The following DIP2B variants were observed in gnomAD, a reference collection of about 807,000 sequenced individuals.
The protein encoded by DIP2B is disco-interacting protein 2 homolog B.
In DIP2B, 76 loss-of-function variants were observed where a neutral mutation model predicts 198.0. The observed-to-expected ratio is 0.38, with a 90% confidence interval of 0.32 to 0.46. The LOEUF (loss-of-function observed/expected upper bound fraction) is 0.46, where lower values mean the gene tolerates loss of function less well. Ranked by LOEUF, DIP2B falls within the 20% of genes least tolerant of loss-of-function variation. The pLI is 0.99. For missense variants in DIP2B, 1,559 were observed against 1,978.4 expected (o/e 0.79, Z 4.02); for synonymous variants, 701 against 739.1 (o/e 0.95, Z 0.84).
At chr12:50,607,884 C>G (rs138357651) in intron 1 of DIP2B, among the ~76,000 whole-genome samples, 244 of 152,290 alleles carry the variant, frequency 1.6e-3, no homozygotes, top group Middle Eastern at 3.4e-3. Flanking sequence ...ACCTCTGCCT[C>G]CTGGATTCAA....
chr12:50,595,768 C>A (rs1268318410), intron 1 of DIP2B, among the ~76,000 whole-genome samples: 4 of 152,108 alleles, frequency 2.6e-5, no homozygotes, highest in African/African-American at 9.7e-5. Flanking sequence ...TAAAATAAGC[C>A]ATTTATTCAT....
intron 1 of DIP2B, among the ~76,000 whole-genome samples, chr12:50,559,547 C>G (rs28414775): frequency 0.063 from 9,636 of 151,958 alleles, 726 homozygotes; most frequent in East Asian, 0.36. Context: ...TTAAGACCAG[C>G]TGGGGCAACA....
At chr12:50,526,626 C>CCTTTTTTTT (rs1958167190) in intron 1 of DIP2B, among the ~76,000 whole-genome samples, 1 of 64,182 alleles carries the variant, frequency 1.6e-5, no homozygotes, top group African/African-American at 7.0e-5. Flanking sequence ...TTTCCTCTGC[C>CCTTTTTTTT]TTTTTTTTTT....
At chr12:50,625,851 C>T (rs898816359) in intron 1 of DIP2B, 125 bp from the exon 2 acceptor site, 2 of 90,054 alleles carry the variant, frequency 2.2e-5, no homozygotes, top group Non-Finnish European at 5.4e-5. Flanking sequence ...ACCATACATT[C>T]CCCCCCCCAA....
chr12:50,652,547 G>A (rs978626338), intron 3 of DIP2B, among the ~76,000 whole-genome samples: 12 of 151,842 alleles, frequency 7.9e-5, no homozygotes, highest in Admixed American at 5.9e-4. Context: ...AAAAAAAGAA[G>A]TATGAAGACT....
At chr12:50,574,557 G>A (rs1395615942) in intron 1 of DIP2B, among the ~76,000 whole-genome samples, 1 of 142,100 alleles carries the variant, frequency 7.0e-6, no homozygotes, top group Admixed American at 7.3e-5. Flanking sequence ...TGAGGAAGAA[G>A]AGCATGAACA....
At chr12:50,563,585 G>A (rs1190970223) in intron 1 of DIP2B, among the ~76,000 whole-genome samples, 2 of 150,902 alleles carry the variant, frequency 1.3e-5, no homozygotes, top group Non-Finnish European at 2.9e-5. Flanking sequence ...CCAACTCCTG[G>A]GCTTAAGTGA....
chr12:50,575,682 C>T (rs1028100939), intron 1 of DIP2B, among the ~76,000 whole-genome samples: 1 of 152,062 alleles, frequency 6.6e-6, no homozygotes, highest in African/African-American at 2.4e-5. Flanking sequence ...CCAACCAGGC[C>T]CTCCTTTATT....
In DIP2B at chr12:50,652,056, T is replaced by C. The variant is rs1055030395; in HGVS notation, c.302-8138T>C. ...TTAGCTGGGTGCAGTGGTTCACACC[T>C]GTAATCCCGGCTGTTTGGAAGGCTG... On this transcript the variant is annotated intron_variant, in intron 3 of 37. Coordinates refer to ENST00000301180, the MANE Select transcript of DIP2B (RefSeq NM_173602.3). Among the ~76,000 whole-genome samples, 21 of 152,024 alleles carry C rather than the reference T, an allele frequency of 1.4e-4. 1 individual carries two copies.
intron 25 of DIP2B, 77 bp downstream of exon 25, chr12:50,719,112 C>G: frequency 6.8e-7 from 1 of 1,479,080 alleles, no homozygotes; most frequent in South Asian, 1.3e-5. Flanking sequence ...CTCTTTCTTT[C>G]ATCAGAAAAT....
intron 37 of DIP2B, among the ~76,000 whole-genome samples, chr12:50,742,981 C>CATCT (rs1332293502): frequency 1.3e-5 from 2 of 152,260 alleles, no homozygotes; most frequent in Non-Finnish European, 2.9e-5. Flanking sequence ...CATCTTTAGA[C>CATCT]ATCTGGAAAG....
intron 3 of DIP2B, among the ~76,000 whole-genome samples, chr12:50,655,300 G>C (rs10876076): frequency 0.25 from 37,639 of 152,168 alleles, 5,501 homozygotes; most frequent in East Asian, 0.43. Context: ...ACAGGGAAAT[G>C]AAAAGATATA....
chr12:50,725,235 A>G (rs1407176505), intron 28 of DIP2B, among the ~76,000 whole-genome samples: 1 of 152,140 alleles, frequency 6.6e-6, no homozygotes, highest in Non-Finnish European at 1.5e-5. Context: ...TATTGTTGAA[A>G]CAATACTGGA....
At chr12:50,681,078 C>G (rs774869122) in intron 9 of DIP2B, among the ~76,000 whole-genome samples, 31 of 152,238 alleles carry the variant, frequency 2.0e-4, no homozygotes, top group Non-Finnish European at 4.0e-4. Flanking sequence ...AATAAGAAAA[C>G]AGCAACAAAA....
intron 1 of DIP2B, among the ~76,000 whole-genome samples, chr12:50,614,916 C>T (rs1454693059): frequency 1.3e-5 from 2 of 152,176 alleles, no homozygotes; most frequent in Non-Finnish European, 2.9e-5. Context: ...TATGAATTGG[C>T]TACCAACAAA....
intron 1 of DIP2B, among the ~76,000 whole-genome samples, chr12:50,608,587 C>T (rs1314321048): frequency 6.8e-6 from 1 of 147,732 alleles, no homozygotes; most frequent in Non-Finnish European, 1.5e-5. Flanking sequence ...GTTCGTGCCA[C>T]TACACTTCAC....
intron 1 of DIP2B, among the ~76,000 whole-genome samples, chr12:50,540,056 T>G (rs1031894036): frequency 2.7e-5 from 2 of 74,288 alleles, no homozygotes; most frequent in East Asian, 5.3e-4. Context: ...TTTCTGTGTT[T>G]TTTTTTTTTT....
chr12:50,629,966 T>TTTA (rs772402864), intron 2 of DIP2B, among the ~76,000 whole-genome samples: 109 of 147,436 alleles, frequency 7.4e-4, no homozygotes, highest in African/African-American at 2.0e-3. Context: ...TTTTTTTTTT[T>TTTA]AATGAGACAG....
intron 14 of DIP2B, among the ~76,000 whole-genome samples, chr12:50,694,406 A>T (rs1939270050): frequency 1.3e-5 from 2 of 152,008 alleles, no homozygotes; most frequent in African/African-American, 4.8e-5. Context: ...TGTGCAGGAG[A>T]ATTGTTTGAA....
Sources: gnomAD v4.1 joint callset for allele counts (sites outside exome capture counted in the v4.1 genomes callset) on GRCh38, gnomAD v4.1.1 for gene constraint, MANE v1.5 for transcripts, NCBI Gene and HGNC (gene_info 2026-07-23, HGNC 2026-07-21) for gene names.